Variants in TOX2 observed in about 807,000 individuals in gnomAD.
The protein encoded by TOX2 is TOX high mobility group box family member 2.
In TOX2, 15 loss-of-function variants were observed where a neutral mutation model predicts 47.4. The observed-to-expected ratio is 0.32, with a 90% confidence interval of 0.21 to 0.49. The LOEUF is 0.49. TOX2 is among the 20% of genes least tolerant of loss of function. TOX2 has a pLI of 0.99. For synonymous variants in TOX2, 290 were observed against 296.6 expected (o/e 0.98, Z 0.23); for missense variants, 622 against 673.1 (o/e 0.92, Z 0.84).
chr20:44,024,715 C>A (rs2071032556), intron 3 of TOX2, among the ~76,000 whole-genome samples: 1 of 152,054 alleles, frequency 6.6e-6, no homozygotes, highest in South Asian at 2.1e-4. Flanking sequence ...CACAAATAAT[C>A]ATTATTAACC....
At position 43,916,216 on chromosome 20, in the gene TOX2, C is replaced by A; in HGVS notation, c.99+1226C>A. On this transcript the variant is annotated intron_variant, in intron 1 of 8. Transcript: ENST00000341197. This position sits in a 1 kb window ranked among gnomAD's most constrained non-coding sequence, Gnocchi z 5.0. ...GCTCCGTGGCGATGCGGGGTGAGTG[C>A]GCGTCCAGTGGCTGGATCGGCGCCC... is the stretch of plus-strand genomic sequence containing the variant. 1 of 985,622 alleles carries A rather than the reference C, an allele frequency of 1.0e-6. No individual in the cohort carries two copies. The highest frequency in any genetic ancestry group is 1.1e-4 in the East Asian group (1 of 8,808). The allele number at this position is 985,622 out of a possible 1,614,324, so 61.1% of individuals were successfully genotyped here. A position where few individuals can be genotyped will look rare whatever the true frequency, so the allele number is the denominator to read the frequency against.
Position 44,051,549 on chromosome 20 carries a change from T to C in TOX2, c.651+4T>C, listed in dbSNP as rs1336923764. On this transcript the variant is annotated splice_donor_region_variant and intron_variant, in intron 4 of 8. Coordinates refer to ENST00000341197, the MANE Select transcript of TOX2 (RefSeq NM_001098797.2). ...GGAGTCGGAAGTGCATTTCAAGGTA[T>C]GTGCGGTGGAGGAACAGAGCCTGAA... 1.9e-6 allele frequency: 3 copies of C among 1,575,216 alleles called. No individual in the cohort carries two copies. Among genetic ancestry groups the C allele is most frequent in the East Asian group, 2.3e-5 (1 of 44,200 alleles).
intron 3 of TOX2, among the ~76,000 whole-genome samples, chr20:44,024,971 A>G (rs1463158370): frequency 1.3e-5 from 2 of 152,126 alleles, no homozygotes; most frequent in East Asian, 1.9e-4. Flanking sequence ...TATCATGTGT[A>G]TACTTCCACG....
chr20:44,027,796 G>T (rs181185960), intron 3 of TOX2, among the ~76,000 whole-genome samples: 1 of 152,220 alleles, frequency 6.6e-6, no homozygotes, highest in African/African-American at 2.4e-5. Context: ...TGGGGAGCAG[G>T]ACAAGCAGAG....
intron 3 of TOX2, among the ~76,000 whole-genome samples, chr20:44,040,729 G>A (rs1189817032): frequency 6.6e-6 from 1 of 152,146 alleles, no homozygotes; most frequent in African/African-American, 2.4e-5. Context: ...ATGGTGGTGA[G>A]GACACTGATT....
intron 3 of TOX2, 80 bp downstream of exon 3, chr20:44,006,872 C>A: frequency 1.3e-6 from 2 of 1,508,806 alleles, no homozygotes; most frequent in Non-Finnish European, 1.8e-6. Flanking sequence ...AATGTTGATG[C>A]TTTGATAAGA....
chr20:44,054,598 G>T, intron 5 of TOX2, 72 bp downstream of exon 5: 2 of 1,491,076 alleles, frequency 1.3e-6, no homozygotes, highest in Non-Finnish European at 1.8e-6. Context: ...CACTTTGAAG[G>T]TCTGAAACCA....
chr20:43,951,481 G>T (rs957067894), intron 1 of TOX2, among the ~76,000 whole-genome samples: 7 of 151,978 alleles, frequency 4.6e-5, no homozygotes, highest in African/African-American at 1.5e-4. Context: ...GGAGGCTGAG[G>T]CAGGAGAATC....
Position 43,951,707 on chromosome 20 carries a change from G to GTTTTTTTTTTTTTTTTTTT in TOX2, c.100-21657_100-21639dup. 1.9e-3 allele frequency among the ~76,000 whole-genome samples: 102 copies of GTTTTTTTTTTTTTTTTTTT among 55,078 alleles called. 22 individuals carry two copies. Among genetic ancestry groups the GTTTTTTTTTTTTTTTTTTT allele is most frequent in the East Asian group, 3.2e-3 (6 of 1,888 alleles). 36.1% of individuals were successfully genotyped at this position (55,078 alleles called of 152,430 possible). On this transcript the variant is annotated intron_variant, in intron 1 of 8. Coordinates refer to ENST00000341197, the MANE Select transcript of TOX2 (RefSeq NM_001098797.2). ...TGACCATTACTATTAAACTTATTATGTTTTTTTTTTTTTTTTTTTTTAGAG... is the reference window on the plus strand; with the variant it reads ...TGACCATTACTATTAAACTTATTATGTTTTTTTTTTTTTTTTTTTTTTTTTTTTTTTTTTTTTTTTAGAG...
chr20:43,917,794 A>G (rs1162989164), intron 1 of TOX2, among the ~76,000 whole-genome samples: 1 of 152,240 alleles, frequency 6.6e-6, no homozygotes, highest in Non-Finnish European at 1.5e-5. Flanking sequence ...GTATTTTATT[A>G]AACACAATAT....
intron 3 of TOX2, among the ~76,000 whole-genome samples, chr20:44,026,248 T>TATATATATATATACACACACAC (rs750976068): frequency 1.5e-5 from 1 of 67,726 alleles, no homozygotes; most frequent in African/African-American, 7.2e-5. Flanking sequence ...TATATATATA[T>TATATATATATATACACACACAC]AGACACACAC....
At chr20:44,060,300 C>T (rs778240308) in intron 5 of TOX2, among the ~76,000 whole-genome samples, 2 of 151,980 alleles carry the variant, frequency 1.3e-5, no homozygotes, top group Non-Finnish European at 2.9e-5. Context: ...AGTAAAACAA[C>T]AATAGCGGGA....
chr20:44,029,064 C>T (rs899071109), intron 3 of TOX2, among the ~76,000 whole-genome samples: 1 of 152,170 alleles, frequency 6.6e-6, no homozygotes, highest in Non-Finnish European at 1.5e-5. Context: ...AGCTTCGTCC[C>T]TTCCTTGGCC....
chr20:43,914,983 G>A lies in TOX2; in HGVS notation c.92G>A (p.Gly31Asp). 1 of 1,247,388 alleles carries A rather than the reference G, an allele frequency of 8.0e-7. No individual in the cohort carries two copies. The highest frequency in any genetic ancestry group is 1.0e-6 in the Non-Finnish European group (1 of 996,222). The allele number at this position is 1,247,388 out of a possible 1,614,324, so 77.3% of individuals were successfully genotyped here. The change falls in exon 1 of 9, where the codon GGC becomes GAC. Residue 31 changes from glycine to aspartate, a missense_variant. This residue lies in a region of TOX2 where 307 missense variants were observed against 327.3 expected (regional missense o/e 0.94). Coordinates refer to ENST00000341197, the MANE Select transcript of TOX2 (RefSeq NM_001098797.2). The surrounding 1 kb of genome is among the most constrained non-coding windows in gnomAD (Gnocchi z 4.5). ...AGLAHLDYYH[G>D]GKFDGDSAYV... Reference sequence around the variant, plus strand: ...CTGGCGCACCTGGACTATTACCACGGCGGCAAGGTAGGCGGGGGCGGGCGG... The same window carrying A: ...CTGGCGCACCTGGACTATTACCACGACGGCAAGGTAGGCGGGGGCGGGCGG...
At chr20:44,065,073 AC>A (rs2071789092) in intron 6 of TOX2, among the ~76,000 whole-genome samples, 1 of 152,210 alleles carries the variant, frequency 6.6e-6, no homozygotes, top group Non-Finnish European at 1.5e-5. Flanking sequence ...AGAACCCAGC[AC>A]CCAGAGGGGT....
chr20:43,954,299 T>C (rs924982289), intron 1 of TOX2, among the ~76,000 whole-genome samples: 3 of 152,186 alleles, frequency 2.0e-5, no homozygotes, highest in African/African-American at 4.8e-5. Context: ...TCTTCTGGGC[T>C]CCCTCAGTTT....
chr20:43,981,409 AAG>A, intron 2 of TOX2, among the ~76,000 whole-genome samples: 1 of 152,346 alleles, frequency 6.6e-6, no homozygotes, highest in South Asian at 2.1e-4. Context: ...TTTATACAAA[AAG>A]GTGATAAGAA....
chr20:43,946,243 G>C (rs2069468545), intron 1 of TOX2, among the ~76,000 whole-genome samples: 1 of 152,238 alleles, frequency 6.6e-6, no homozygotes, highest in African/African-American at 2.4e-5. Context: ...GGTTTGGGCT[G>C]TCCTCTGGAG....
intron 7 of TOX2, 49 bp from the exon 8 acceptor site, chr20:44,066,681 G>T (rs753973221): frequency 1.1e-5 from 17 of 1,613,294 alleles, no homozygotes; most frequent in Admixed American, 6.7e-5. Flanking sequence ...GGGACAGTCT[G>T]CCCCCTCATC....
Sources: allele counts gnomAD v4.1 joint callset (sites outside exome capture counted in the v4.1 genomes callset), GRCh38; gene constraint gnomAD v4.1.1; regional missense constraint gnomAD v4.1.1; non-coding constraint Gnocchi (gnomAD v3.1); transcripts MANE v1.5; gene names NCBI Gene and HGNC (gene_info 2026-07-23, HGNC 2026-07-21).